AR: variants seen among roughly 807,000 people sequenced by gnomAD.
The protein encoded by AR is dihydrotestosterone receptor.
A neutral mutation model predicts 53.9 loss-of-function variants in AR; 8 were observed. The ratio of observed to expected loss-of-function variants is 0.15; its 90% confidence interval spans 0.09 to 0.27. The LOEUF is 0.27. Ranked by LOEUF, AR falls within the 10% of genes least tolerant of loss-of-function variation. The pLI, the probability that AR is intolerant of heterozygous loss-of-function variation, is 1.00. For synonymous variants in AR, 359 were observed against 316.4 expected, an observed-to-expected ratio of 1.13 and a Z score of -1.43; for missense variants, 639 against 742.5, an observed-to-expected ratio of 0.86 and a Z score of 1.62.
At chrX:67,585,480 C>A (rs754438019) in intron 1 of AR, among the ~76,000 whole-genome samples, 17 of 111,652 alleles carry the variant, frequency 1.5e-4, no homozygotes, top group Admixed American at 1.4e-3. Context: ...AATCACTTGG[C>A]AGTCCGTAGT....
chrX:67,558,147 G>A (rs1158841590), intron 1 of AR, among the ~76,000 whole-genome samples: 2 of 112,093 alleles, frequency 1.8e-5, no homozygotes, highest in Non-Finnish European at 3.8e-5. Context: ...CCTAGTCAGA[G>A]CCTGTTTTAA....
chrX:67,625,431 A>G (rs1924583019), intron 1 of AR, among the ~76,000 whole-genome samples: 1 of 110,900 alleles, frequency 9.0e-6, no homozygotes, highest in African/African-American at 3.3e-5. Context: ...AAATACATGG[A>G]ACCTAGGATA....
At chrX:67,682,986 T>A (rs2075944914) in intron 2 of AR, among the ~76,000 whole-genome samples, 1 of 112,457 alleles carries the variant, frequency 8.9e-6, no homozygotes. Flanking sequence ...AAGGAACACA[T>A]GTGTCATGTG....
At chrX:67,691,299 A>G (rs1458254161) in intron 3 of AR, among the ~76,000 whole-genome samples, 1 of 112,307 alleles carries the variant, frequency 8.9e-6, no homozygotes, top group Non-Finnish European at 1.9e-5. Flanking sequence ...CTACCCTCAT[A>G]CCAAAAGCCA....
chrX:67,607,912 C>A (rs745951511), intron 1 of AR, among the ~76,000 whole-genome samples: 1 of 111,845 alleles, frequency 8.9e-6, no homozygotes, highest in South Asian at 3.8e-4. Context: ...GAGCTGCCTG[C>A]CACCAACTTT....
intron 3 of AR, among the ~76,000 whole-genome samples, chrX:67,704,852 C>A (rs1409207134): frequency 1.8e-5 from 2 of 112,083 alleles, no homozygotes; most frequent in African/African-American, 3.2e-5. Flanking sequence ...CCAGTTTCAG[C>A]TTTCTACATA....
chrX:67,630,854 G>A (rs1355679676), intron 1 of AR, among the ~76,000 whole-genome samples: 2 of 109,889 alleles, frequency 1.8e-5, no homozygotes, highest in Non-Finnish European at 3.8e-5. Context: ...AAATCTCTCG[G>A]CATTTGCTTG....
intron 1 of AR, among the ~76,000 whole-genome samples, chrX:67,629,755 G>A (rs1206778239): frequency 2.7e-5 from 3 of 109,725 alleles, no homozygotes; most frequent in African/African-American, 9.9e-5. Context: ...GATCTTTCCT[G>A]CTTTCTCTTG....
intron 2 of AR, among the ~76,000 whole-genome samples, chrX:67,668,022 G>T (rs1388372654): frequency 9.0e-6 from 1 of 111,437 alleles, no homozygotes; most frequent in Non-Finnish European, 1.9e-5. Flanking sequence ...AGAATAATTT[G>T]ACTTCTTTCT....
At chrX:67,549,941 GT>G (rs780660730) in intron 1 of AR, among the ~76,000 whole-genome samples, 1 of 111,990 alleles carries the variant, frequency 8.9e-6, no homozygotes, top group African/African-American at 3.2e-5. Context: ...ACAAGCAACA[GT>G]TTGTCTTGTA....
chrX:67,659,863 G>A (rs758101076), intron 2 of AR, among the ~76,000 whole-genome samples: 8 of 111,272 alleles, frequency 7.2e-5, no homozygotes, highest in Admixed American at 1.9e-4. Context: ...ATTTCTCCAC[G>A]TCCTCTCCAG....
chrX:67,585,401 G>A lies in AR; in HGVS notation c.1616+38639G>A, dbSNP rs145790884. 1.6e-3 allele frequency among the ~76,000 whole-genome samples: 182 copies of A among 111,728 alleles called. 5 individuals carry two copies. The East Asian group carries it at 0.042, about 26-fold the overall frequency. On this transcript the variant is annotated intron_variant, in intron 1 of 7. Coordinates refer to ENST00000374690, the MANE Select transcript of AR (RefSeq NM_000044.6). ...TTTCTGTGGGGTGGAAATGTGAAGT[G>A]GATCATAGCATGATATAACTTGTCA...
chrX:67,717,727 T>C, intron 5 of AR, 105 bp downstream of exon 5: 7 of 1,097,908 alleles, frequency 6.4e-6, no homozygotes, highest in South Asian at 5.8e-5. Flanking sequence ...TCATTTGATC[T>C]GCAGTTGTCG....
At chrX:67,576,281 A>G (rs1226584510) in intron 1 of AR, among the ~76,000 whole-genome samples, 2 of 110,437 alleles carry the variant, frequency 1.8e-5, no homozygotes, top group African/African-American at 6.6e-5. Flanking sequence ...ACTACTGTAA[A>G]TTTTCATTTT....
At chrX:67,714,953 G>T (rs1046754220) in intron 4 of AR, among the ~76,000 whole-genome samples, 1 of 111,635 alleles carries the variant, frequency 9.0e-6, no homozygotes, top group African/African-American at 3.3e-5. Context: ...CTCTCATTAA[G>T]GACGGTTAAT....
At chrX:67,636,751 G>A (rs1208040953) in intron 1 of AR, among the ~76,000 whole-genome samples, 1 of 111,438 alleles carries the variant, frequency 9.0e-6, no homozygotes, top group African/African-American at 3.3e-5. Flanking sequence ...TCCACACTAG[G>A]TCAGGATCAG....
chrX:67,631,391 C>G (rs1460016839), intron 1 of AR, among the ~76,000 whole-genome samples: 2 of 111,796 alleles, frequency 1.8e-5, no homozygotes, highest in African/African-American at 3.3e-5. Flanking sequence ...TCATTCATTT[C>G]ATCTTCCATC....
At chrX:67,628,463 C>CT (rs1302256984) in intron 1 of AR, among the ~76,000 whole-genome samples, 14 of 107,414 alleles carry the variant, frequency 1.3e-4, no homozygotes, top group African/African-American at 3.6e-4. Context: ...TATAAGAATG[C>CT]TGTGATTTTT....
intron 1 of AR, among the ~76,000 whole-genome samples, chrX:67,616,319 T>C (rs971184867): frequency 4.5e-5 from 5 of 110,494 alleles, no homozygotes; most frequent in African/African-American, 1.7e-4. Flanking sequence ...ATACATTAGG[T>C]ATTTCTCCTA....
Sources: allele counts gnomAD v4.1 joint callset (sites outside exome capture counted in the v4.1 genomes callset), GRCh38; gene constraint gnomAD v4.1.1; transcripts MANE v1.5; gene names NCBI Gene and HGNC (gene_info 2026-07-23, HGNC 2026-07-21).